The following INPP4B variants were observed in gnomAD, a reference collection of about 807,000 sequenced individuals.
INPP4B encodes the protein inositol polyphosphate-4-phosphatase type II B, also known as inositol polyphosphate 4-phosphatase type II.
Under a neutral mutation model 122.5 loss-of-function variants are expected in INPP4B, and 55 were observed. The ratio of observed to expected loss-of-function variants is 0.45; its 90% CI spans 0.36 to 0.56. The LOEUF (loss-of-function observed/expected upper bound fraction) is 0.56, where lower values mean the gene tolerates loss of function less well. Among genes scored for constraint, INPP4B ranks in the 20% least tolerant of loss-of-function variants. INPP4B has a pLI of 0.00. For synonymous variants in INPP4B, 403 were observed against 388.7 expected, an observed-to-expected ratio of 1.04 and a Z score of -0.43; for missense variants, 1,000 against 1,097.7, an observed-to-expected ratio of 0.91 and a Z score of 1.26.
At chr4:142,656,331 G>A (rs1754134564) in intron 2 of INPP4B, among the ~76,000 whole-genome samples, 1 of 152,192 alleles carries the variant, frequency 6.6e-6, no homozygotes, top group Admixed American at 6.5e-5. Context: ...ACTAAGGAAA[G>A]TCCTGCATCA....
intron 18 of INPP4B, among the ~76,000 whole-genome samples, chr4:142,136,317 G>A (rs1025912896): frequency 6.6e-6 from 1 of 152,214 alleles, no homozygotes; most frequent in South Asian, 2.1e-4. Flanking sequence ...AGCCTCCAAG[G>A]CCCGGGTACA....
intron 2 of INPP4B, among the ~76,000 whole-genome samples, chr4:142,656,504 C>T (rs1754165564): frequency 1.3e-5 from 2 of 152,122 alleles, no homozygotes; most frequent in Admixed American, 1.3e-4. Flanking sequence ...CTTTTCCTTC[C>T]TTTTTCGGGA....
At chr4:142,467,877 C>A (rs2149651426) in intron 2 of INPP4B, 1 of 152,220 alleles carries the variant, frequency 6.6e-6, no homozygotes, top group African/African-American at 2.4e-5. Context: ...GATAAGTGAG[C>A]TCTTGCTCTG....
chr4:142,185,383 T>C (rs955984521), intron 15 of INPP4B, among the ~76,000 whole-genome samples: 6 of 60,518 alleles, frequency 9.9e-5, no homozygotes, highest in Admixed American at 2.8e-4. Context: ...TAAATATATA[T>C]GTGTATGTGT....
chr4:142,465,375 G>A (rs1199177683), intron 2 of INPP4B, among the ~76,000 whole-genome samples: 1 of 152,050 alleles, frequency 6.6e-6, no homozygotes, highest in African/African-American at 2.4e-5. Flanking sequence ...ATGCAAACAA[G>A]ACGTTATTTA....
At chr4:142,557,403 G>A (rs377291719) in intron 2 of INPP4B, among the ~76,000 whole-genome samples, 3 of 152,098 alleles carry the variant, frequency 2.0e-5, no homozygotes, top group South Asian at 2.1e-4. Flanking sequence ...CTGGAGAGAC[G>A]CACAGACCTT....
intron 1 of INPP4B, among the ~76,000 whole-genome samples, chr4:142,836,727 C>G (rs1254474725): frequency 6.6e-6 from 1 of 151,806 alleles, no homozygotes; most frequent in East Asian, 1.9e-4. Flanking sequence ...TCTACACACA[C>G]ACACACACAC....
chr4:142,641,431 C>G (rs979028040), intron 2 of INPP4B, among the ~76,000 whole-genome samples: 1 of 147,464 alleles, frequency 6.8e-6, no homozygotes, highest in Admixed American at 6.8e-5. Flanking sequence ...CCCCCCACCC[C>G]ACAACAGGCC....
At chr4:142,611,343 G>A (rs947563825) in intron 2 of INPP4B, among the ~76,000 whole-genome samples, 7 of 152,262 alleles carry the variant, frequency 4.6e-5, no homozygotes, top group Admixed American at 3.3e-4. Flanking sequence ...TTCGATGTGA[G>A]ATCTGGGCAA....
chr4:142,062,185 C>T (rs893660794), intron 25 of INPP4B, among the ~76,000 whole-genome samples: 1 of 152,070 alleles, frequency 6.6e-6, no homozygotes, highest in Non-Finnish European at 1.5e-5. Context: ...GCAGTGGAAT[C>T]AGTTCAGGCG....
intron 2 of INPP4B, among the ~76,000 whole-genome samples, chr4:142,561,901 A>AT (rs950146988): frequency 1.3e-4 from 19 of 151,474 alleles, no homozygotes; most frequent in Admixed American, 3.3e-4. Context: ...CTGAAAAATA[A>AT]TTTTTTTTTG....
intron 7 of INPP4B, among the ~76,000 whole-genome samples, chr4:142,390,143 T>G (rs1425802188): frequency 1.3e-5 from 2 of 152,170 alleles, no homozygotes; most frequent in African/African-American, 4.8e-5. Flanking sequence ...GTCAAACTGA[T>G]TAAGATAGAT....
In INPP4B at chr4:142,208,469, T is replaced by C; in HGVS notation, c.1028A>G (p.Asn343Ser). Residue 343 changes from asparagine to serine, a missense_variant, in exon 14 of 26, where the codon AAT becomes AGT. Asn to Ser is a conservative substitution (Grantham distance 46, BLOSUM62 1). Transcript: ENST00000262992. ...GEKTLEFVPINLHLQRMQVHS... is the reference protein window; with the variant it reads ...GEKTLEFVPISLHLQRMQVHS... The stretch of plus-strand genomic sequence containing the variant: ...TACCTGCATTCTTTGCAGATGTAGA[T>C]TTATTGGAACAAATTCTAATGTTTT... 6.2e-7 allele frequency: 1 copy of C among 1,602,368 alleles called. No individual in the cohort carries two copies. The highest frequency in any genetic ancestry group is 8.5e-7 in the Non-Finnish European group (1 of 1,173,992).
At chr4:142,687,236 T>C (rs1759477000) in intron 2 of INPP4B, among the ~76,000 whole-genome samples, 1 of 152,074 alleles carries the variant, frequency 6.6e-6, no homozygotes, top group African/African-American at 2.4e-5. Flanking sequence ...TGAGGACTCA[T>C]AAACTTAGAA....
At chr4:142,655,241 C>A (rs1253735759) in intron 2 of INPP4B, among the ~76,000 whole-genome samples, 1 of 152,182 alleles carries the variant, frequency 6.6e-6, no homozygotes, top group African/African-American at 2.4e-5. Flanking sequence ...ATCATCTCAC[C>A]TGGTGGTCCA....
chr4:142,763,505 G>A (rs1232937107), intron 1 of INPP4B, among the ~76,000 whole-genome samples: 6 of 152,132 alleles, frequency 3.9e-5, no homozygotes, highest in African/African-American at 1.2e-4. Flanking sequence ...AAACAGGATG[G>A]AAGAGTTTCA....
intron 8 of INPP4B, among the ~76,000 whole-genome samples, chr4:142,309,555 C>T (rs963701084): frequency 2.6e-5 from 4 of 151,698 alleles, no homozygotes; most frequent in African/African-American, 4.9e-5. Flanking sequence ...TTACACATGT[C>T]ACAGAACTAG....
At chr4:142,155,996 G>A (rs151263483) in intron 17 of INPP4B, among the ~76,000 whole-genome samples, 88 of 147,536 alleles carry the variant, frequency 6.0e-4, no homozygotes, top group Admixed American at 2.2e-3. Context: ...AACATAATAT[G>A]AAATAGCAAA....
intron 2 of INPP4B, among the ~76,000 whole-genome samples, chr4:142,724,823 C>T (rs1765133826): frequency 6.6e-6 from 1 of 151,988 alleles, no homozygotes; most frequent in African/African-American, 2.4e-5. Flanking sequence ...CAGAAATAAG[C>T]TTTCTGCTGA....
Sources: allele counts gnomAD v4.1 joint callset (sites outside exome capture counted in the v4.1 genomes callset), GRCh38; gene constraint gnomAD v4.1.1; transcripts MANE v1.5; gene names NCBI Gene and HGNC (gene_info 2026-07-23, HGNC 2026-07-21).